SLC16A12: variants seen among roughly 807,000 people sequenced by gnomAD.
SLC16A12 encodes monocarboxylate transporter 12.
In SLC16A12, 17 loss-of-function variants were observed where a neutral mutation model predicts 42.4. The ratio of observed to expected loss-of-function variants is 0.40; its 90% CI spans 0.27 to 0.60. SLC16A12 has a LOEUF of 0.60. Ranked by LOEUF, SLC16A12 falls within the 20% of genes least tolerant of loss-of-function variation. The pLI, the probability that SLC16A12 is intolerant of heterozygous loss-of-function variation, is 0.42. For synonymous variants in SLC16A12, 224 were observed against 229.4 expected (o/e 0.98, Z 0.21); for missense variants, 544 against 623.0 (o/e 0.87, Z 1.35).
intron 2 of SLC16A12, among the ~76,000 whole-genome samples, chr10:89,508,002 C>T (rs1439191000): frequency 2.0e-5 from 3 of 152,008 alleles, no homozygotes; most frequent in Admixed American, 6.6e-5. Context: ...ATAATGGTAA[C>T]GGGATCAATC....
rs79235394 is a variant in SLC16A12 at position 89,440,954 on chromosome 10, C to T, written c.448+154G>A. Among the ~76,000 whole-genome samples, 22,258 of 152,158 alleles carry T rather than the reference C, an allele frequency of 0.15. 2,054 individuals are homozygous for T. Among genetic ancestry groups the T allele is most frequent in the Non-Finnish European group, 0.2 (13,738 of 67,988 alleles). ...CATTAGGGTAATGTAATCTCATTTC[C>T]AGCTCTGTTTAACTGCTAGGTAGGT... On this transcript the variant is annotated intron_variant, in intron 5 of 7. Transcript: ENST00000371790.
intron 2 of SLC16A12, among the ~76,000 whole-genome samples, chr10:89,541,716 C>T (rs1394045597): frequency 6.6e-6 from 1 of 152,222 alleles, no homozygotes; most frequent in Admixed American, 6.5e-5. Context: ...TGGGGCTCCC[C>T]TGTGCATTGT....
chr10:89,462,810 A>G, intron 2 of SLC16A12, 186 bp from the exon 3 acceptor site: 1 of 595,746 alleles, frequency 1.7e-6, no homozygotes, highest in African/African-American at 1.9e-5. Context: ...ATAAAATAGA[A>G]CCTCTCAAAT....
intron 2 of SLC16A12, among the ~76,000 whole-genome samples, chr10:89,486,927 A>G (rs1010479456): frequency 6.6e-5 from 10 of 152,354 alleles, no homozygotes; most frequent in African/African-American, 2.4e-4. Context: ...TACAGTGTTC[A>G]GAGAGAGATA....
chr10:89,482,370 A>G (rs188022494), intron 2 of SLC16A12, among the ~76,000 whole-genome samples: 2 of 152,332 alleles, frequency 1.3e-5, no homozygotes, highest in Admixed American at 1.3e-4. Flanking sequence ...AATGTACTCT[A>G]CACTAACAAG....
At chr10:89,534,006 T>G (rs983688643) in intron 2 of SLC16A12, among the ~76,000 whole-genome samples, 2 of 152,238 alleles carry the variant, frequency 1.3e-5, no homozygotes, top group Non-Finnish European at 2.9e-5. Context: ...ACAGTATGAA[T>G]TCAGCCAATC....
intron 3 of SLC16A12, among the ~76,000 whole-genome samples, chr10:89,457,086 T>C (rs184737141): frequency 1.3e-5 from 2 of 152,246 alleles, no homozygotes; most frequent in African/African-American, 2.4e-5. Context: ...CGTAATGGGA[T>C]TGCTGGGTCA....
chr10:89,516,887 T>C (rs945965783), intron 2 of SLC16A12, among the ~76,000 whole-genome samples: 6 of 152,156 alleles, frequency 3.9e-5, no homozygotes, highest in African/African-American at 1.4e-4. Context: ...TTAAGAAAAG[T>C]TCAAATGTTT....
intron 2 of SLC16A12, among the ~76,000 whole-genome samples, chr10:89,481,042 T>A (rs1842653838): frequency 6.6e-6 from 1 of 152,144 alleles, no homozygotes; most frequent in African/African-American, 2.4e-5. Flanking sequence ...CCCTGAACTA[T>A]TAAAAGCCTC....
chr10:89,447,075 C>T (rs57427488), intron 3 of SLC16A12, among the ~76,000 whole-genome samples: 20,308 of 152,078 alleles, frequency 0.13, 1,802 homozygotes, highest in Non-Finnish European at 0.19. Context: ...TAAATATATA[C>T]GCACCCAATA....
chr10:89,438,970 C>A lies in SLC16A12; in HGVS notation c.662G>T (p.Gly221Val). Reference sequence around the variant, plus strand: ...AAGAGTAATTGGCCTCATCAAGGCACCACATACACAGAGATTCAAGACAAA... The same window carrying A: ...AAGAGTAATTGGCCTCATCAAGGCAACACATACACAGAGATTCAAGACAAA... ...GGFVLNLCVC[G>V]ALMRPITLKE... The change falls in exon 6 of 8, where the codon GGT (glycine) becomes GTT (valine). Residue 221 changes from glycine to valine, a missense_variant. Transcript: ENST00000371790. 1 of 1,614,154 alleles carries A rather than the reference C, an allele frequency of 6.2e-7. No homozygotes were observed. Among genetic ancestry groups the A allele is most frequent in the Non-Finnish European group, 8.5e-7 (1 of 1,180,034 alleles).
At chr10:89,506,958 A>G (rs948123593) in intron 2 of SLC16A12, among the ~76,000 whole-genome samples, 15 of 152,058 alleles carry the variant, frequency 9.9e-5, no homozygotes, top group Admixed American at 7.2e-4. Flanking sequence ...AAAGTGATCA[A>G]GCAGAAGAAA....
At chr10:89,443,386 G>C (rs1266670416) in intron 4 of SLC16A12, among the ~76,000 whole-genome samples, 1 of 152,190 alleles carries the variant, frequency 6.6e-6, no homozygotes, top group South Asian at 2.1e-4. Context: ...CACAACTTGA[G>C]AATGAGAAGG....
intron 2 of SLC16A12, among the ~76,000 whole-genome samples, chr10:89,485,929 T>C (rs1589697753): frequency 6.6e-6 from 1 of 152,322 alleles, no homozygotes; most frequent in East Asian, 1.9e-4. Flanking sequence ...TAAAAATTCA[T>C]GCATATAAGA....
intron 2 of SLC16A12, among the ~76,000 whole-genome samples, chr10:89,525,840 C>T (rs1843443280): frequency 6.6e-6 from 1 of 152,126 alleles, no homozygotes; most frequent in Non-Finnish European, 1.5e-5. Flanking sequence ...ACCTAGCAGT[C>T]ACTATTCAAG....
intron 5 of SLC16A12, among the ~76,000 whole-genome samples, 173 bp downstream of exon 5, chr10:89,440,935 G>A (rs977025768): frequency 1.3e-5 from 2 of 152,276 alleles, no homozygotes; most frequent in African/African-American, 4.8e-5. Flanking sequence ...TTTTCATTAG[G>A]GTAATGTAAT....
chr10:89,461,937 A>T (rs1842307039), intron 3 of SLC16A12, among the ~76,000 whole-genome samples: 1 of 152,216 alleles, frequency 6.6e-6, no homozygotes, highest in Non-Finnish European at 1.5e-5. Flanking sequence ...AGAGTGGAAG[A>T]TGAAGAGTGA....
chr10:89,469,292 C>T (rs1842457013), intron 2 of SLC16A12, among the ~76,000 whole-genome samples: 1 of 152,170 alleles, frequency 6.6e-6, no homozygotes, highest in South Asian at 2.1e-4. Context: ...TGATGTTCTT[C>T]TAAGATTACT....
chr10:89,432,985 T>C lies in SLC16A12; in HGVS notation c.*79A>G. On this transcript the variant is annotated 3_prime_UTR_variant, in exon 8 of 8. Transcript: ENST00000371790. Reference sequence around the variant, plus strand: ...TTGGAAGGCAATCCTTCTGCCAAAATAAAAAGTTTCAGAAACATGAAGAAT... The same window carrying C: ...TTGGAAGGCAATCCTTCTGCCAAAACAAAAAGTTTCAGAAACATGAAGAAT... 6.4e-7 allele frequency: 1 copy of C among 1,569,994 alleles called. No homozygotes were observed. The highest frequency in any genetic ancestry group is 8.6e-7 in the Non-Finnish European group (1 of 1,162,614).
Sources: gnomAD v4.1 joint callset for allele counts (sites outside exome capture counted in the v4.1 genomes callset) on GRCh38, gnomAD v4.1.1 for gene constraint, MANE v1.5 for transcripts, NCBI Gene and HGNC (gene_info 2026-07-23, HGNC 2026-07-21) for gene names.